Variants in CTNNA3 observed in about 807,000 individuals in gnomAD.
The protein encoded by CTNNA3 is catenin alpha 3.
In CTNNA3, 76 loss-of-function variants were observed where a neutral mutation model predicts 95.7. The observed-to-expected ratio is 0.79, with a 90% CI of 0.66 to 0.96. The LOEUF (loss-of-function observed/expected upper bound fraction) is 0.96. CTNNA3 is among the 40% of genes least tolerant of loss of function. The pLI, the probability that CTNNA3 is intolerant of heterozygous loss-of-function variation, is 0.00. For synonymous variants in CTNNA3, 431 were observed against 374.4 expected, an observed-to-expected ratio of 1.15 and a Z score of -1.74; for missense variants, 1,191 against 1,089.8, an observed-to-expected ratio of 1.09 and a Z score of -1.31.
At chr10:66,053,842 A>G (rs2080014491) in intron 15 of CTNNA3, among the ~76,000 whole-genome samples, 1 of 152,086 alleles carries the variant, frequency 6.6e-6, no homozygotes, top group Admixed American at 6.5e-5. Context: ...CTATTGTGCT[A>G]CCAAATGCCA....
At chr10:66,872,499 T>C (rs946562883) in intron 7 of CTNNA3, among the ~76,000 whole-genome samples, 1 of 151,952 alleles carries the variant, frequency 6.6e-6, no homozygotes, top group Non-Finnish European at 1.5e-5. Context: ...TGAAACCCCA[T>C]CTCTACTAAA....
chr10:66,391,242 C>T (rs1053050953), intron 11 of CTNNA3, among the ~76,000 whole-genome samples: 1 of 151,768 alleles, frequency 6.6e-6, no homozygotes, highest in African/African-American at 2.4e-5. Context: ...ATTTACAAGC[C>T]AATTATCAAC....
rs113637551 is a variant in CTNNA3 at position 66,491,241 on chromosome 10, G to A, written c.1531+29376C>T. On this transcript the variant is annotated intron_variant, in intron 11 of 17. Transcript: ENST00000433211. ...TGCTAGGGATAGATCTTTTAGTCTC[G>A]GCCTATAATAGCATATCATGTTTTA... 1.1e-4 allele frequency among the ~76,000 whole-genome samples: 16 copies of A among 152,046 alleles called. No individual in the cohort carries two copies. In the East Asian group the frequency reaches 1.4e-3, roughly 13 times the overall value.
intron 11 of CTNNA3, among the ~76,000 whole-genome samples, chr10:66,408,223 T>A (rs1465358410): frequency 6.6e-6 from 1 of 152,214 alleles, no homozygotes; most frequent in Non-Finnish European, 1.5e-5. Flanking sequence ...ATATTTTTTA[T>A]CCTTAGTTGG....
At chr10:67,671,969 C>T (rs911444256) in intron 1 of CTNNA3, among the ~76,000 whole-genome samples, 51 of 152,266 alleles carry the variant, frequency 3.3e-4, no homozygotes, top group Middle Eastern at 6.8e-3. Flanking sequence ...AGTTTACAGT[C>T]CCACCAACAG....
intron 1 of CTNNA3, among the ~76,000 whole-genome samples, chr10:67,720,355 A>C (rs546822604): frequency 5.9e-5 from 9 of 151,422 alleles, no homozygotes; most frequent in African/African-American, 2.2e-4. Context: ...GCCCATTTAC[A>C]TTTAAGGTTA....
chr10:66,941,717 C>T lies in CTNNA3; in HGVS notation c.1048-166193G>A, dbSNP rs181283485. ...TGCAGCCTTGACCGCACTGCCCGTG[C>T]CAGCCAGAATTCAAGCCGCGTGAGC... On this transcript the variant is annotated intron_variant, in intron 7 of 17. Transcript: ENST00000433211. 1.5e-3 allele frequency among the ~76,000 whole-genome samples: 234 copies of T among 152,250 alleles called. 1 individual carries two copies. Among genetic ancestry groups the T allele is most frequent in the South Asian group, 0.014 (67 of 4,824 alleles).
chr10:66,121,501 C>T (rs1404817627), intron 13 of CTNNA3, among the ~76,000 whole-genome samples: 1 of 151,916 alleles, frequency 6.6e-6, no homozygotes, highest in African/African-American at 2.4e-5. Flanking sequence ...TATATACTAG[C>T]TTAATAAATC....
intron 9 of CTNNA3, among the ~76,000 whole-genome samples, chr10:66,701,549 A>G (rs989632908): frequency 2.4e-4 from 37 of 152,142 alleles, no homozygotes; most frequent in African/African-American, 8.9e-4. Context: ...ACTGTTTTAT[A>G]CATTTTGTGT....
At chr10:66,629,263 G>C (rs893187954) in intron 9 of CTNNA3, among the ~76,000 whole-genome samples, 1 of 152,070 alleles carries the variant, frequency 6.6e-6, no homozygotes, top group Non-Finnish European at 1.5e-5. Flanking sequence ...ACAGAGGACT[G>C]TGTATGAGGT....
At chr10:66,990,013 G>A (rs773490885) in intron 7 of CTNNA3, among the ~76,000 whole-genome samples, 6 of 152,114 alleles carry the variant, frequency 3.9e-5, no homozygotes, top group Admixed American at 1.3e-4. Context: ...TATATTATAC[G>A]AAGAGAAATG....
chr10:67,363,912 C>A (rs1166856760), intron 5 of CTNNA3, among the ~76,000 whole-genome samples: 7 of 152,160 alleles, frequency 4.6e-5, no homozygotes, highest in Non-Finnish European at 1.0e-4. Flanking sequence ...AGAGTTGGTA[C>A]CATTCCTTCT....
At chr10:67,097,464 T>C in intron 7 of CTNNA3, 1 of 770,702 alleles carries the variant, frequency 1.3e-6, no homozygotes, top group Non-Finnish European at 2.2e-6. Context: ...TAGGGACACC[T>C]GGGCCACAGG....
At chr10:66,093,395 TA>T (rs1171410966) in intron 14 of CTNNA3, among the ~76,000 whole-genome samples, 2 of 152,020 alleles carry the variant, frequency 1.3e-5, no homozygotes, top group Admixed American at 1.3e-4. Flanking sequence ...TTTGTTTTAT[TA>T]AATCAATAGG....
Position 66,562,433 on chromosome 10 carries a change from C to T in CTNNA3, c.1375-41660G>A, listed in dbSNP as rs1441442804. Among the ~76,000 whole-genome samples the T allele has an allele frequency of 4.6e-5, 7 of 152,152 alleles. No individual in the cohort carries two copies. The South Asian group carries it at 1.0e-3, about 23-fold the overall frequency. ...TTTCTAACTCCCAAGTCCAGCTTTA[C>T]TTTTCCAGCAGCACGTTTATCTCCT... On this transcript the variant is annotated intron_variant, in intron 10 of 17. Transcript: ENST00000433211.
At chr10:66,227,383 T>TG (rs2089357896) in intron 13 of CTNNA3, among the ~76,000 whole-genome samples, 1 of 151,886 alleles carries the variant, frequency 6.6e-6, no homozygotes, top group Admixed American at 6.6e-5. Context: ...GTGTTTTTTT[T>TG]TTTTTCATGA....
In CTNNA3 at chr10:65,920,367, T is replaced by C; in HGVS notation, c.2651A>G (p.Gln884Arg). 1.2e-6 allele frequency: 2 copies of C among 1,613,956 alleles called. No individual in the cohort carries two copies. The highest frequency in any genetic ancestry group is 8.5e-7 in the Non-Finnish European group (1 of 1,179,992). ...GSAKKKIHPLQVMSEFRGRQI... is the reference protein window; with the variant it reads ...GSAKKKIHPLRVMSEFRGRQI... ...TCTTCCTCTAAATTCACTCATGACT[T>C]GCAATGGATGGATTTTTTTCTTTGC... The change falls in exon 18 of 18, where the codon CAA becomes CGA. Residue 884 changes from glutamine (Q) to arginine (R), a missense_variant. Transcript: ENST00000433211.
At chr10:65,990,093 G>GCA (rs2078510328) in intron 15 of CTNNA3, among the ~76,000 whole-genome samples, 1 of 2,488 alleles carries the variant, frequency 4.0e-4, no homozygotes, top group African/African-American at 5.9e-4. Context: ...GTGTGTGTGT[G>GCA]TATACACACA....
intron 5 of CTNNA3, among the ~76,000 whole-genome samples, chr10:67,392,018 C>A (rs1844514094): frequency 6.6e-6 from 1 of 151,760 alleles, no homozygotes; most frequent in Admixed American, 6.6e-5. Context: ...GTCTAAAACA[C>A]CAAAAGCAAT....
Sources: allele counts gnomAD v4.1 joint callset (sites outside exome capture counted in the v4.1 genomes callset), GRCh38; gene constraint gnomAD v4.1.1; transcripts MANE v1.5; gene names NCBI Gene and HGNC (gene_info 2026-07-23, HGNC 2026-07-21).